The following SHISA6 variants were observed in gnomAD, a reference collection of about 807,000 sequenced individuals.
SHISA6 encodes shisa family member 6.
In SHISA6, 22 loss-of-function variants were observed where a neutral mutation model predicts 47.9. The observed-to-expected ratio is 0.46, with a 90% CI of 0.33 to 0.66. The LOEUF (loss-of-function observed/expected upper bound fraction) is 0.66. Ranked by LOEUF, SHISA6 falls within the 30% of genes least tolerant of loss-of-function variation. The probability of loss-of-function intolerance (pLI) is 0.02; values close to 1 mark genes in which losing one functional copy is unlikely to be tolerated. For synonymous variants in SHISA6, 388 were observed against 337.8 expected, an observed-to-expected ratio of 1.15 and a Z score of -1.63; for missense variants, 680 against 764.6, an observed-to-expected ratio of 0.89 and a Z score of 1.30.
intron 3 of SHISA6, among the ~76,000 whole-genome samples, chr17:11,384,333 A>G (rs1913125197): frequency 6.6e-6 from 1 of 152,190 alleles, no homozygotes; most frequent in Non-Finnish European, 1.5e-5. Context: ...AGAGGCACAC[A>G]TTTTGCAAGA....
At chr17:11,449,811 G>A (rs530127371) in intron 3 of SHISA6, among the ~76,000 whole-genome samples, 179 of 151,938 alleles carry the variant, frequency 1.2e-3, no homozygotes, top group Non-Finnish European at 1.6e-3. Flanking sequence ...GGCAACCCTC[G>A]TTCTTCCTTG....
At chr17:11,310,861 C>A (rs1161537968) in intron 2 of SHISA6, among the ~76,000 whole-genome samples, 1 of 152,026 alleles carries the variant, frequency 6.6e-6, no homozygotes, top group African/African-American at 2.4e-5. Context: ...GTAATCCCAG[C>A]ACTTTGGGGG....
rs2072046864 is a variant in SHISA6 at position 11,561,869 on chromosome 17, CCT to C, written c.*3566_*3567del. 1 of 152,148 alleles carries C rather than the reference CCT, an allele frequency of 6.6e-6. No homozygotes were observed. The allele number at this position is 152,148 out of a possible 1,614,324, so 9.4% of individuals were successfully genotyped here. On this transcript the variant is annotated 3_prime_UTR_variant, in exon 6 of 6. Coordinates refer to ENST00000441885, the MANE Select transcript of SHISA6 (RefSeq NM_207386.4). ...ACTGGTGTATCCTTCATCTCCTGCC[CCT>C]GTGAGTTGATACCCCAGTGCACGGA... is the stretch of plus-strand genomic sequence containing the variant.
chr17:11,248,905 C>T (rs1304538972), intron 1 of SHISA6, among the ~76,000 whole-genome samples: 2 of 151,944 alleles, frequency 1.3e-5, no homozygotes, highest in East Asian at 1.9e-4. Flanking sequence ...TTTGGGAGGC[C>T]GAGGCGGGCA....
chr17:11,286,322 T>C (rs2142164783), intron 2 of SHISA6, among the ~76,000 whole-genome samples: 1 of 152,240 alleles, frequency 6.6e-6, no homozygotes, highest in South Asian at 2.1e-4. Context: ...GCTTACACAA[T>C]TCTATGCTTT....
chr17:11,293,324 A>G (rs58761892), intron 2 of SHISA6, among the ~76,000 whole-genome samples: 33,460 of 152,078 alleles, frequency 0.22, 3,984 homozygotes, highest in Non-Finnish European at 0.28. Context: ...TACAGGGGCT[A>G]TAGGACCTGT....
chr17:11,283,140 C>G (rs776351137), intron 2 of SHISA6, among the ~76,000 whole-genome samples: 3 of 152,112 alleles, frequency 2.0e-5, no homozygotes, highest in Admixed American at 2.0e-4. Context: ...ATTAAGTGTG[C>G]CCACATGAAT....
At chr17:11,508,626 G>A (rs2071519838) in intron 3 of SHISA6, among the ~76,000 whole-genome samples, 1 of 132,554 alleles carries the variant, frequency 7.5e-6, no homozygotes, top group Admixed American at 7.6e-5. Flanking sequence ...CCTTGGGGGT[G>A]CCCACAGGTG....
intron 3 of SHISA6, among the ~76,000 whole-genome samples, chr17:11,546,308 TG>T: frequency 6.6e-6 from 1 of 152,232 alleles, no homozygotes; most frequent in East Asian, 1.9e-4. Flanking sequence ...CCCTGACACC[TG>T]GGGTCTGGGC....
chr17:11,370,173 C>G (rs1192335545), intron 2 of SHISA6, among the ~76,000 whole-genome samples: 2 of 152,210 alleles, frequency 1.3e-5, no homozygotes, highest in Non-Finnish European at 2.9e-5. Flanking sequence ...CACCATCAAG[C>G]ACTCCTCTCC....
chr17:11,409,831 GAA>G (rs1435877804), intron 3 of SHISA6, among the ~76,000 whole-genome samples: 22 of 152,060 alleles, frequency 1.4e-4, no homozygotes, highest in African/African-American at 4.8e-4. Context: ...TCCAGGGCAA[GAA>G]CTTACCTGGA....
intron 2 of SHISA6, among the ~76,000 whole-genome samples, chr17:11,334,127 C>A (rs912120332): frequency 3.3e-5 from 5 of 152,110 alleles, no homozygotes; most frequent in African/African-American, 4.8e-5. Context: ...TCATGGAAAT[C>A]CCCTGTTTAT....
intron 3 of SHISA6, among the ~76,000 whole-genome samples, chr17:11,386,327 A>G (rs1166048513): frequency 2.0e-5 from 3 of 152,164 alleles, no homozygotes; most frequent in Non-Finnish European, 4.4e-5. Context: ...GTGAGCCGAG[A>G]TCATGCCATT....
At chr17:11,494,429 A>G (rs2071391435) in intron 3 of SHISA6, among the ~76,000 whole-genome samples, 2 of 152,116 alleles carry the variant, frequency 1.3e-5, no homozygotes, top group Admixed American at 6.5e-5. Context: ...GTAATGTGCT[A>G]TTATATTAGC....
At chr17:11,384,735 C>T (rs1002804473) in intron 3 of SHISA6, among the ~76,000 whole-genome samples, 6 of 152,122 alleles carry the variant, frequency 3.9e-5, no homozygotes, top group African/African-American at 7.2e-5. Context: ...GGTGATGATG[C>T]GAGTTACTGC....
rs140803850 is a variant in SHISA6, at chr17:11,450,885, C to T, written c.895+71376C>T. Among the ~76,000 whole-genome samples, 861 of 151,822 alleles carry T rather than the reference C, an allele frequency of 5.7e-3. 14 individuals carry two copies. Among genetic ancestry groups the T allele is most frequent in the African/African-American group, 0.02 (825 of 41,404 alleles). On this transcript the variant is annotated intron_variant, in intron 3 of 5. Transcript: ENST00000441885. ...GACACCATGAACCTTGCCCCTCAAG[C>T]GCTGGGTCCAGGTTTCTTGTCAGCC...
At chr17:11,377,797 A>T (rs1567588997) in intron 2 of SHISA6, among the ~76,000 whole-genome samples, 1 of 152,216 alleles carries the variant, frequency 6.6e-6, no homozygotes, top group Non-Finnish European at 1.5e-5. Flanking sequence ...GCACATTAGA[A>T]TCACTAGAGA....
At chr17:11,370,379 C>T (rs1912597102) in intron 2 of SHISA6, among the ~76,000 whole-genome samples, 1 of 152,122 alleles carries the variant, frequency 6.6e-6, no homozygotes, top group Non-Finnish European at 1.5e-5. Flanking sequence ...CTTCTTTGCT[C>T]TTGGTCTCAG....
chr17:11,285,474 G>A (rs1052927183), intron 2 of SHISA6, among the ~76,000 whole-genome samples: 10 of 152,182 alleles, frequency 6.6e-5, no homozygotes, highest in Admixed American at 5.2e-4. Context: ...GGGAGAAGGG[G>A]TGTCATTTTA....
Sources: allele counts gnomAD v4.1 joint callset (sites outside exome capture counted in the v4.1 genomes callset), GRCh38; gene constraint gnomAD v4.1.1; transcripts MANE v1.5; gene names NCBI Gene and HGNC (gene_info 2026-07-23, HGNC 2026-07-21).